Variants in FAM227B observed in about 807,000 individuals in gnomAD.
The protein encoded by FAM227B is family with sequence similarity 227 member B.
In FAM227B, 88 loss-of-function variants were observed where a neutral mutation model predicts 73.8. That is an observed-to-expected ratio of 1.19 (90% CI 1.00 to 1.42). The LOEUF (loss-of-function observed/expected upper bound fraction) is 1.42. FAM227B is among the 40% of genes most tolerant of loss of function. FAM227B has a pLI of 0.00. For missense variants in FAM227B, 632 were observed against 590.9 expected (o/e 1.07, Z -0.72); for synonymous variants, 210 against 190.5 (o/e 1.10, Z -0.84).
At chr15:49,360,083 C>G (rs970750319) in intron 13 of FAM227B, among the ~76,000 whole-genome samples, 16 of 104,196 alleles carry the variant, frequency 1.5e-4, no homozygotes, top group African/African-American at 6.4e-4. Context: ...ACTCTGGGGA[C>G]TGTTGTGGGG....
At chr15:49,533,222 C>T (rs571519929) in intron 10 of FAM227B, among the ~76,000 whole-genome samples, 6 of 151,902 alleles carry the variant, frequency 3.9e-5, no homozygotes, top group Non-Finnish European at 7.4e-5. Flanking sequence ...TTCATGTCAT[C>T]GTGGTCAGAA....
chr15:49,470,920 G>A (rs980176919), intron 11 of FAM227B, among the ~76,000 whole-genome samples: 2 of 152,172 alleles, frequency 1.3e-5, no homozygotes, highest in East Asian at 1.9e-4. Context: ...CAGGATGTAA[G>A]GACACCAAGG....
chr15:49,405,653 C>T (rs1403966211), intron 11 of FAM227B, among the ~76,000 whole-genome samples: 1 of 152,150 alleles, frequency 6.6e-6, no homozygotes, highest in Non-Finnish European at 1.5e-5. Context: ...TCAGCTTTTA[C>T]ATCATTTTAT....
intron 10 of FAM227B, among the ~76,000 whole-genome samples, chr15:49,525,631 A>C (rs2060109596): frequency 7.8e-6 from 1 of 128,012 alleles, no homozygotes; most frequent in South Asian, 2.5e-4. Flanking sequence ...AAATGTGTAC[A>C]GATACCTAGA....
intron 11 of FAM227B, among the ~76,000 whole-genome samples, chr15:49,430,084 T>C (rs572473693): frequency 1.3e-5 from 2 of 151,824 alleles, no homozygotes; most frequent in Non-Finnish European, 2.9e-5. Flanking sequence ...ACCAAGAGGG[T>C]TCTTCTGGGC....
chr15:49,567,093 G>A (rs1278892512), intron 9 of FAM227B, among the ~76,000 whole-genome samples: 1 of 152,094 alleles, frequency 6.6e-6, no homozygotes, highest in Non-Finnish European at 1.5e-5. Context: ...AGGTGGACTA[G>A]GCACTCTCAG....
At chr15:49,432,456 T>C (rs574737590) in intron 11 of FAM227B, among the ~76,000 whole-genome samples, 2 of 151,724 alleles carry the variant, frequency 1.3e-5, no homozygotes, top group South Asian at 4.1e-4. Flanking sequence ...AGGAAAAGAG[T>C]ATACATGATT....
intron 9 of FAM227B, among the ~76,000 whole-genome samples, chr15:49,544,398 G>GC (rs2071521680): frequency 2.0e-5 from 3 of 152,144 alleles, no homozygotes; most frequent in Non-Finnish European, 4.4e-5. Flanking sequence ...AGATATAGGA[G>GC]CTTTTTGGAT....
chr15:49,576,647 G>C, intron 7 of FAM227B, 94 bp downstream of exon 7: 2 of 740,026 alleles, frequency 2.7e-6, no homozygotes, highest in Non-Finnish European at 4.4e-6. Flanking sequence ...AAATCTTGTT[G>C]AACACCTAAT....
intron 11 of FAM227B, among the ~76,000 whole-genome samples, chr15:49,413,798 G>T (rs2049030018): frequency 6.7e-6 from 1 of 150,216 alleles, no homozygotes; most frequent in Admixed American, 6.7e-5. Context: ...ACTATCTTTT[G>T]GTTTCTAGAA....
At chr15:49,553,662 A>T (rs1598177475) in intron 9 of FAM227B, among the ~76,000 whole-genome samples, 1 of 151,966 alleles carries the variant, frequency 6.6e-6, no homozygotes, top group Non-Finnish European at 1.5e-5. Context: ...GAGTCATCTC[A>T]CCCTGTAGCC....
intron 3 of FAM227B, 67 bp downstream of exon 3, chr15:49,611,147 CT>C: frequency 1.1e-6 from 1 of 937,388 alleles, no homozygotes; most frequent in Admixed American, 2.0e-5. Flanking sequence ...TATTCTAAGC[CT>C]TCTAAATCTC....
rs569408324 is a variant in FAM227B at position 49,327,051 on chromosome 15, C to T, written c.*1517G>A. 1.3e-5 allele frequency: 2 copies of T among 151,946 alleles called. No individual in the cohort carries two copies. The highest frequency in any genetic ancestry group is 6.5e-5 in the Admixed American group (1 of 15,292). 9.4% of individuals were successfully genotyped at this position (151,946 alleles called of 1,614,324 possible). ...TTAATTGTAAGTACATGTTAACTTT[C>T]GTGTCAGGATAAATTGCATCTTTTA... On this transcript the variant is annotated 3_prime_UTR_variant, in exon 16 of 16. Transcript: ENST00000299338.
At chr15:49,353,982 T>C (rs984114809) in intron 13 of FAM227B, 2 of 152,208 alleles carry the variant, frequency 1.3e-5, no homozygotes, top group Non-Finnish European at 2.9e-5. Flanking sequence ...ATGAAGATTA[T>C]TGGAAATCAT....
intron 13 of FAM227B, among the ~76,000 whole-genome samples, chr15:49,366,872 C>T (rs1422750579): frequency 6.6e-6 from 1 of 152,168 alleles, no homozygotes; most frequent in Non-Finnish European, 1.5e-5. Context: ...CTTTGGGATT[C>T]ATCTGAGTCC....
chr15:49,464,296 A>C (rs1413426726), intron 11 of FAM227B, among the ~76,000 whole-genome samples: 1 of 152,198 alleles, frequency 6.6e-6, no homozygotes, highest in Non-Finnish European at 1.5e-5. Flanking sequence ...TATCATGTTG[A>C]GAATCACTGG....
chr15:49,368,661 A>T (rs963957064), intron 12 of FAM227B, among the ~76,000 whole-genome samples: 3 of 152,214 alleles, frequency 2.0e-5, no homozygotes, highest in Non-Finnish European at 4.4e-5. Flanking sequence ...TTCAAAATGT[A>T]TGCAAAACTA....
At chr15:49,582,053 T>C (rs2075846188) in intron 5 of FAM227B, among the ~76,000 whole-genome samples, 1 of 152,158 alleles carries the variant, frequency 6.6e-6, no homozygotes, top group Non-Finnish European at 1.5e-5. Flanking sequence ...CCAGTGACAC[T>C]ATAAAGCAAC....
intron 11 of FAM227B, among the ~76,000 whole-genome samples, chr15:49,483,439 T>C (rs2056132687): frequency 6.6e-6 from 1 of 152,094 alleles, no homozygotes; most frequent in African/African-American, 2.4e-5. Flanking sequence ...ACAAATGGCT[T>C]GTTCTTTGGA....
Sources: gnomAD v4.1 joint callset for allele counts (sites outside exome capture counted in the v4.1 genomes callset) on GRCh38, gnomAD v4.1.1 for gene constraint, MANE v1.5 for transcripts, NCBI Gene and HGNC (gene_info 2026-07-23, HGNC 2026-07-21) for gene names.